Variants in CAMTA2 observed in about 807,000 individuals in gnomAD.
CAMTA2 encodes calmodulin-binding transcription activator 2.
A neutral mutation model predicts 135.7 loss-of-function variants in CAMTA2; 56 were observed. The ratio of observed to expected loss-of-function variants is 0.41; its 90% CI spans 0.33 to 0.52. The LOEUF (loss-of-function observed/expected upper bound fraction) is 0.52. Ranked by LOEUF, CAMTA2 falls within the 20% of genes least tolerant of loss-of-function variation. The pLI is 0.16. For synonymous variants in CAMTA2, 591 were observed against 604.6 expected, an observed-to-expected ratio of 0.98 and a Z score of 0.33; for missense variants, 1,358 against 1,553.4, an observed-to-expected ratio of 0.87 and a Z score of 2.11.
At chr17:4,987,306 G>A in intron 1 of CAMTA2, 1 of 1,346,812 alleles carries the variant, frequency 7.4e-7, no homozygotes. Context: ...ATAGAGGGAT[G>A]TTCTGGAGAA....
chr17:4,973,090 C>T, intron 14 of CAMTA2, 85 bp downstream of exon 14: 1 of 1,509,262 alleles, frequency 6.6e-7, no homozygotes, highest in Non-Finnish European at 9.2e-7. Context: ...CCACCCCACT[C>T]CCTGCATTCC....
chr17:4,983,273 A>T, intron 3 of CAMTA2: 1 of 485,868 alleles, frequency 2.1e-6, no homozygotes, highest in Non-Finnish European at 3.7e-6. Flanking sequence ...CAAAAATCTC[A>T]TTCCTGTGCC....
Position 4,972,320 on chromosome 17 carries a change from A to C in CAMTA2, c.2720T>G (p.Leu907Arg), listed in dbSNP as rs760172832. ...TGGTGGGAGGGCAGGAAGGGAGGAG[A>C]GGGGCCCCTTGGAGTTGGTAGCCTC... ...DYEATNSKGP[L>R]SSLPALPPAS... The change falls in exon 16 of 23, where the codon CTC (leucine) becomes CGC (arginine). Residue 907 changes from leucine to arginine, a missense_variant. Leu to Arg is a moderately radical substitution (Grantham distance 102, BLOSUM62 -2). Around this residue, in one of 4 missense-constraint regions of CAMTA2, gnomAD observed 1,077 missense variants for 1,127.5 expected, o/e 0.96. Coordinates refer to ENST00000348066, the MANE Select transcript of CAMTA2 (RefSeq NM_015099.4). The C allele has an allele frequency of 2.2e-5, 36 of 1,613,432 alleles. 1 individual carries two copies. In the East Asian group the frequency reaches 7.6e-4, roughly 34 times the overall value.
rs748116223 is a variant in CAMTA2 at position 4,969,033 on chromosome 17, GC to G, written c.3471-53del. 98 of 1,595,990 alleles carry G rather than the reference GC, an allele frequency of 6.1e-5. No individual in the cohort carries two copies. Among genetic ancestry groups the G allele is most frequent in the Non-Finnish European group, 8.0e-5 (93 of 1,166,674 alleles). ...TCACAGAAGGCATCGCATGCCTTCG[GC>G]CCCCCCAGGAACCCTAGGCAGGGAA... On this transcript the variant is annotated intron_variant, in intron 21 of 22. Transcript: ENST00000348066. This position sits in a 1 kb window ranked among gnomAD's most constrained non-coding sequence, Gnocchi z 5.6.
chr17:4,969,612 G>C lies in CAMTA2; in HGVS notation c.3261+18C>G. 6.2e-7 allele frequency: 1 copy of C among 1,614,082 alleles called. No homozygotes were observed. The highest frequency in any genetic ancestry group is 1.1e-5 in the South Asian group (1 of 91,076). ...TTGGTGGGTTGCTGGTTACACTTTT[G>C]AGGGAGAAGGGTCTCACCTGCTTGT... On this transcript the variant is annotated intron_variant, in intron 19 of 22. Coordinates refer to ENST00000348066, the MANE Select transcript of CAMTA2 (RefSeq NM_015099.4). The surrounding 1 kb of genome is among the most constrained non-coding windows in gnomAD (Gnocchi z 5.6).
At position 4,972,500 on chromosome 17, in the gene CAMTA2, T is replaced by C. The variant is rs766685308; in HGVS notation, c.2540A>G (p.Asp847Gly). The part of the protein sequence containing the change: ...SSVSSPSELS[D>G]GTFSVTSAYS... ...GGCTGACGTGACGGAAAAGGTGCCA[T>C]CCGACAGCTCCGAGGGCGAGGAGAC... The change falls in exon 16 of 23, where the codon GAT becomes GGT. Residue 847 changes from aspartate to glycine, a missense_variant. Physicochemically the swap from Asp to Gly is moderately conservative, Grantham distance 94. Around this residue, in one of 4 missense-constraint regions of CAMTA2, gnomAD observed 1,077 missense variants for 1,127.5 expected, o/e 0.96. Coordinates refer to ENST00000348066, the MANE Select transcript of CAMTA2 (RefSeq NM_015099.4). The C allele has an allele frequency of 1.9e-6, 3 of 1,609,650 alleles. No individual in the cohort carries two copies.
At position 4,987,634 on chromosome 17, in the gene CAMTA2, C is replaced by A. The variant is rs1230726259; in HGVS notation, c.-106G>T. The A allele has an allele frequency of 1.3e-6, 2 of 1,525,408 alleles. No individual in the cohort carries two copies. The highest frequency in any genetic ancestry group is 1.4e-5 in the African/African-American group (1 of 71,616). The allele number at this position is 1,525,408 out of a possible 1,614,324, so 94.5% of individuals were successfully genotyped here. A position where few individuals can be genotyped will look rare whatever the true frequency, so the allele number is the denominator to read the frequency against. ...GGTGACGGCGGCAGCGGCCATTCTA[C>A]CCCACACCGACCCCCCCCAGCGCCG... On this transcript the variant is annotated 5_prime_UTR_variant, in exon 1 of 23. Coordinates refer to ENST00000348066, the MANE Select transcript of CAMTA2 (RefSeq NM_015099.4).
At chr17:4,974,276 G>GGAGGCTGGGGACAGGA in intron 12 of CAMTA2, 109 bp downstream of exon 12, 1 of 713,268 alleles carries the variant, frequency 1.4e-6, no homozygotes, top group Non-Finnish European at 2.5e-6. Context: ...GACAGGCTGA[G>GGAGGCTGGGGACAGGA]GAGGCTGGGG....
chr17:4,977,273 T>C (rs1972672975), intron 10 of CAMTA2, 81 bp from the exon 11 acceptor site: 2 of 1,541,624 alleles, frequency 1.3e-6, no homozygotes, highest in Admixed American at 1.8e-5. Context: ...CAGACAATTA[T>C]TCCATAGTTA....
At chr17:4,973,515 A>G in intron 13 of CAMTA2, 70 bp downstream of exon 13, 1 of 1,485,126 alleles carries the variant, frequency 6.7e-7, no homozygotes, top group South Asian at 1.2e-5. Context: ...AGGTCCTCCA[A>G]TTCCTCTTCA....
rs371899702 is a variant in CAMTA2 at position 4,979,746 on chromosome 17, G to C, written c.1576C>G (p.Pro526Ala). Residue 526 changes from proline to alanine, a missense_variant, in exon 9 of 23, where the codon CCC becomes GCC. Physicochemically the swap from Pro to Ala is conservative, Grantham distance 27. Transcript: ENST00000348066. ...DEAPSIPAPT[P>A]QLSPALSTIT... is the part of the protein sequence containing the mutation. ...GTGCTAAGAGCAGGAGACAGCTGGG[G>C]GGTCGGAGCAGGGATGCTTGGAGCT... The C allele has an allele frequency of 6.2e-7, 1 of 1,614,136 alleles. No homozygotes were observed. Among genetic ancestry groups the C allele is most frequent in the Non-Finnish European group, 8.5e-7 (1 of 1,180,010 alleles).
At position 4,980,192 on chromosome 17, in the gene CAMTA2, G is replaced by A; in HGVS notation, c.1130C>T (p.Pro377Leu). 6.3e-7 allele frequency: 1 copy of A among 1,576,274 alleles called. No homozygotes were observed. Among genetic ancestry groups the A allele is most frequent in the Non-Finnish European group, 8.6e-7 (1 of 1,160,922 alleles). ...PPAPPSPAFD[P>L]DRFLNSPQRG... is the part of the protein sequence containing the mutation. ...CTGGGGGCTGTTGAGAAAACGATCA[G>A]GGTCAAAGGCAGGACTGGGAGGAGC... Residue 377 changes from proline (P) to leucine (L), a missense_variant, in exon 9 of 23, where the codon CCT (proline) becomes CTT (leucine). Pro to Leu is a moderately conservative substitution (Grantham distance 98). Coordinates refer to ENST00000348066, the MANE Select transcript of CAMTA2 (RefSeq NM_015099.4). The surrounding 1 kb of genome is among the most constrained non-coding windows in gnomAD (Gnocchi z 5.3).
chr17:4,974,529 G>A, intron 11 of CAMTA2, 29 bp from the exon 12 acceptor site: 2 of 1,436,756 alleles, frequency 1.4e-6, no homozygotes, highest in Non-Finnish European at 2.0e-6. Flanking sequence ...GGGAGGCTGA[G>A]TGGGCAGTCT....
chr17:4,970,147 G>T, intron 17 of CAMTA2, 62 bp from the exon 18 acceptor site: 1 of 1,512,030 alleles, frequency 6.6e-7, no homozygotes, highest in Non-Finnish European at 9.1e-7. Context: ...TGCCACCTAT[G>T]GATGGCTACG....
Position 4,972,735 on chromosome 17 carries a change from A to T in CAMTA2, c.2503+34T>A, listed in dbSNP as rs780754821. Reference sequence around the variant, plus strand: ...TGTCCTGGCCTATCCTCCTACCTACATCCCTCTCTCCAAAAGATTAGGGCC... The same window carrying T: ...TGTCCTGGCCTATCCTCCTACCTACTTCCCTCTCTCCAAAAGATTAGGGCC... On this transcript the variant is annotated intron_variant, in intron 15 of 22. Transcript: ENST00000348066. 3.1e-6 allele frequency: 5 copies of T among 1,590,104 alleles called. No homozygotes were observed. The African/African-American group carries it at 6.7e-5, about 21-fold the overall frequency.
rs1257945576 is a variant in CAMTA2 at position 4,970,396 on chromosome 17, G to C, written c.2949C>G (p.Ser983=). Residue 983 remains serine (S), a synonymous_variant, in exon 17 of 23, where the codon TCC becomes TCG. Coordinates refer to ENST00000348066, the MANE Select transcript of CAMTA2 (RefSeq NM_015099.4). ...TGAVGLSETM[S]WLASYLENVD... is the part of the protein sequence containing the mutation. ...CATTCTCCAGGTAGCTGGCCAGCCA[G>C]GACATGGTCTCACTGAGCCCCACAG... 6.2e-7 allele frequency: 1 copy of C among 1,614,212 alleles called. No homozygotes were observed. The highest frequency in any genetic ancestry group is 1.1e-5 in the South Asian group (1 of 91,086).
chr17:4,975,778 A>G (rs1972574817), intron 11 of CAMTA2, among the ~76,000 whole-genome samples: 1 of 152,246 alleles, frequency 6.6e-6, no homozygotes, highest in Non-Finnish European at 1.5e-5. Context: ...AGACACCAAG[A>G]GGAAGAGATA....
chr17:4,971,625 G>A (rs544556998), intron 16 of CAMTA2, among the ~76,000 whole-genome samples: 1 of 152,018 alleles, frequency 6.6e-6, no homozygotes, highest in African/African-American at 2.4e-5. Context: ...GATTACAGGG[G>A]TGAGCCACCG....
At position 4,973,724 on chromosome 17, in the gene CAMTA2, C is replaced by A. The variant is rs774838387; in HGVS notation, c.2062G>T (p.Val688Leu). The stretch of plus-strand genomic sequence containing the variant: ...GTGGAGCGTGGGATCATGCTTTCTA[C>A]CAAGACCACTACCCGTGCTTCGAAC... ...PGFEARVVVLVESMIPRSTWK... is the reference protein window; with the variant it reads ...PGFEARVVVLLESMIPRSTWK... The change falls in exon 13 of 23, where the codon GTA (valine) becomes TTA (leucine). Residue 688 changes from valine to leucine, a missense_variant. Physicochemically the swap from Val to Leu is conservative, Grantham distance 32. This residue lies in a region of CAMTA2 where 1,077 missense variants were observed against 1,127.5 expected (regional missense o/e 0.96). Transcript: ENST00000348066. 6.2e-7 allele frequency: 1 copy of A among 1,613,872 alleles called. No homozygotes were observed. The highest frequency in any genetic ancestry group is 1.7e-5 in the Admixed American group (1 of 60,002).
Sources: gnomAD v4.1 joint callset for allele counts (sites outside exome capture counted in the v4.1 genomes callset) on GRCh38, gnomAD v4.1.1 for gene constraint, gnomAD v4.1.1 regional missense constraint, Gnocchi (gnomAD v3.1) non-coding constraint, MANE v1.5 for transcripts, NCBI Gene and HGNC (gene_info 2026-07-23, HGNC 2026-07-21) for gene names.